The following MAPKAPK2 variants were observed in gnomAD, a reference collection of about 807,000 sequenced individuals.
MAPKAPK2 encodes MAP kinase-activated protein kinase 2.
In MAPKAPK2, 9 loss-of-function variants were observed where a neutral mutation model predicts 48.8. That is an observed-to-expected ratio of 0.18 (90% CI 0.11 to 0.32). The LOEUF (loss-of-function observed/expected upper bound fraction) is 0.32, where lower values mean the gene tolerates loss of function less well. MAPKAPK2 is among the 10% of genes least tolerant of loss of function. The pLI is 1.00. For synonymous variants in MAPKAPK2, 202 were observed against 190.6 expected (o/e 1.06, Z -0.49); for missense variants, 331 against 498.3 (o/e 0.66, Z 3.20).
At chr1:206,690,682 G>A (rs1370138532) in intron 1 of MAPKAPK2, among the ~76,000 whole-genome samples, 1 of 152,218 alleles carries the variant, frequency 6.6e-6, no homozygotes, top group East Asian at 1.9e-4. Context: ...GCTAGGGGAG[G>A]GGCCAAAGCT....
chr1:206,714,614 A>G (rs1226873089), intron 1 of MAPKAPK2, among the ~76,000 whole-genome samples: 5 of 151,510 alleles, frequency 3.3e-5, no homozygotes, highest in African/African-American at 1.2e-4. Flanking sequence ...AAAAAAAAAA[A>G]ATTAGTTGGG....
In MAPKAPK2 at chr1:206,704,303, C is replaced by T. The variant is rs572668563; in HGVS notation, c.279+18795C>T. On this transcript the variant is annotated intron_variant, in intron 1 of 9. Transcript: ENST00000367103. The surrounding 1 kb of genome is among the most constrained non-coding windows in gnomAD (Gnocchi z 4.3). Reference sequence around the variant, plus strand: ...ACCTGTCCATTTGTTACCTGGCCCACGGATGGAGGAGGTCGGATGGGGTCT... The same window carrying T: ...ACCTGTCCATTTGTTACCTGGCCCATGGATGGAGGAGGTCGGATGGGGTCT... 1.3e-5 allele frequency among the ~76,000 whole-genome samples: 2 copies of T among 152,284 alleles called. No homozygotes were observed. The highest frequency in any genetic ancestry group is 2.1e-4 in the South Asian group (1 of 4,820).
At chr1:206,685,850 A>AT (rs1672272526) in intron 1 of MAPKAPK2, among the ~76,000 whole-genome samples, 1 of 151,970 alleles carries the variant, frequency 6.6e-6, no homozygotes, top group Non-Finnish European at 1.5e-5. Context: ...CAAGGAAGTG[A>AT]TTTTGGGGTT....
At chr1:206,711,607 CT>C (rs781793889) in intron 1 of MAPKAPK2, among the ~76,000 whole-genome samples, 1,368 of 115,488 alleles carry the variant, frequency 0.012, 13 homozygotes, top group African/African-American at 0.031. Flanking sequence ...CTACCTCATT[CT>C]TTTTTTTTTT....
intron 1 of MAPKAPK2, among the ~76,000 whole-genome samples, chr1:206,721,542 G>A (rs1553431216): frequency 6.6e-6 from 1 of 152,134 alleles, no homozygotes; most frequent in African/African-American, 2.4e-5. Context: ...CTCCATTTCT[G>A]GCTGTTGCTG....
chr1:206,718,292 G>A (rs1378672428), intron 1 of MAPKAPK2, among the ~76,000 whole-genome samples: 4 of 152,184 alleles, frequency 2.6e-5, no homozygotes, highest in Non-Finnish European at 5.9e-5. Context: ...AGCACTTTGG[G>A]AGGCCGAGGC....
intron 1 of MAPKAPK2, among the ~76,000 whole-genome samples, chr1:206,719,181 A>G (rs1673435474): frequency 6.6e-6 from 1 of 152,118 alleles, no homozygotes; most frequent in South Asian, 2.1e-4. Context: ...TTTATCCATC[A>G]TGTGTTGGAA....
chr1:206,697,353 C>T (rs1280838667), intron 1 of MAPKAPK2, among the ~76,000 whole-genome samples: 1 of 152,146 alleles, frequency 6.6e-6, no homozygotes, highest in East Asian at 1.9e-4. Flanking sequence ...TTGTGTTGCA[C>T]TAAAGGAGTA....
rs782780403 is a variant in MAPKAPK2, at chr1:206,732,737, C to G, written c.*19C>G. On this transcript the variant is annotated 3_prime_UTR_variant, in exon 10 of 10. Coordinates refer to ENST00000367103, the MANE Select transcript of MAPKAPK2 (RefSeq NM_032960.4). The surrounding 1 kb of genome is among the most constrained non-coding windows in gnomAD (Gnocchi z 4.4). ...CCACTGAGCCACCGCGCCCTCCTGC[C>G]CACGGGAGGACAAGCAATAACTCTC... 1.9e-6 allele frequency: 3 copies of G among 1,613,566 alleles called. No individual in the cohort carries two copies. Among genetic ancestry groups the G allele is most frequent in the Non-Finnish European group, 2.5e-6 (3 of 1,179,738 alleles).
intron 1 of MAPKAPK2, among the ~76,000 whole-genome samples, chr1:206,723,926 G>A (rs782316618): frequency 5.5e-4 from 84 of 152,376 alleles, no homozygotes; most frequent in Non-Finnish European, 5.9e-4. Flanking sequence ...TGCCTGTGGC[G>A]TTGCAGCTGA....
intron 1 of MAPKAPK2, among the ~76,000 whole-genome samples, chr1:206,698,973 A>G (rs1411270059): frequency 6.6e-6 from 1 of 152,194 alleles, no homozygotes; most frequent in Non-Finnish European, 1.5e-5. Flanking sequence ...TTGTGACTCC[A>G]TTATAATTGG....
intron 1 of MAPKAPK2, among the ~76,000 whole-genome samples, chr1:206,713,327 A>C (rs1203005443): frequency 2.0e-5 from 3 of 152,180 alleles, no homozygotes; most frequent in African/African-American, 7.2e-5. Context: ...AAGTCATGAC[A>C]AGGCCTGGCT....
chr1:206,695,426 C>T (rs1360876903), intron 1 of MAPKAPK2, among the ~76,000 whole-genome samples: 3 of 149,674 alleles, frequency 2.0e-5, no homozygotes, highest in Admixed American at 2.0e-4. Context: ...ATATCCACAT[C>T]TTTCCCAGAT....
chr1:206,689,248 C>T (rs1466744826), intron 1 of MAPKAPK2, among the ~76,000 whole-genome samples: 1 of 152,198 alleles, frequency 6.6e-6, no homozygotes, highest in African/African-American at 2.4e-5. Flanking sequence ...ATTCCTCTCT[C>T]CCTAGGTCAT....
chr1:206,701,446 A>G (rs1672791009), intron 1 of MAPKAPK2, among the ~76,000 whole-genome samples: 1 of 152,098 alleles, frequency 6.6e-6, no homozygotes, highest in South Asian at 2.1e-4. Flanking sequence ...ACTTAGCTGG[A>G]AGGGGATTTG....
chr1:206,722,796 G>A (rs1673567689), intron 1 of MAPKAPK2, among the ~76,000 whole-genome samples: 1 of 152,244 alleles, frequency 6.6e-6, no homozygotes, highest in South Asian at 2.1e-4. Flanking sequence ...CTCACCTGCA[G>A]CAGCTGCCCT....
chr1:206,685,295 GCCCCCC>G lies in MAPKAPK2; in HGVS notation c.67_72del (p.Pro23_Pro24del). 1 of 306,708 alleles carries G rather than the reference GCCCCCC, an allele frequency of 3.3e-6. No individual in the cohort carries two copies. The highest frequency in any genetic ancestry group is 5.9e-6 in the Non-Finnish European group (1 of 168,600). 19.0% of individuals were successfully genotyped at this position (306,708 alleles called of 1,614,324 possible). ...TCCCCGCCCCGGCCCCGCCGCCGCA[GCCCCCC>G]ACCCCTGCCCTGCCGCACCCCCCGG... On this transcript the variant is annotated inframe_deletion, in exon 1 of 10. Transcript: ENST00000367103.
At chr1:206,689,414 G>A (rs2102372095) in intron 1 of MAPKAPK2, among the ~76,000 whole-genome samples, 3 of 152,330 alleles carry the variant, frequency 2.0e-5, no homozygotes. Context: ...CTCATACTGT[G>A]TACCTGTGGA....
intron 1 of MAPKAPK2, among the ~76,000 whole-genome samples, chr1:206,705,577 G>A (rs1339391993): frequency 6.6e-6 from 1 of 152,180 alleles, no homozygotes; most frequent in African/African-American, 2.4e-5. Context: ...GGGTGCAATT[G>A]TGTTGACTCT....
Sources: allele counts gnomAD v4.1 joint callset (sites outside exome capture counted in the v4.1 genomes callset), GRCh38; gene constraint gnomAD v4.1.1; non-coding constraint Gnocchi (gnomAD v3.1); transcripts MANE v1.5; gene names NCBI Gene and HGNC (gene_info 2026-07-23, HGNC 2026-07-21).